The following ACAN variants were observed in gnomAD, a reference collection of about 807,000 sequenced individuals.
ACAN encodes the protein aggrecan.
In ACAN, 47 loss-of-function variants were observed where a neutral mutation model predicts 169.1. That is an observed-to-expected ratio of 0.28 (90% CI 0.22 to 0.35). The LOEUF is 0.35. ACAN is among the 10% of genes least tolerant of loss of function. The pLI is 1.00. For synonymous variants in ACAN, 1,115 were observed against 1,112.2 expected (o/e 1.00, Z -0.05); for missense variants, 2,716 against 2,759.9 (o/e 0.98, Z 0.36).
chr15:88,812,218 G>A (rs1313372649), intron 1 of ACAN, among the ~76,000 whole-genome samples: 1 of 152,138 alleles, frequency 6.6e-6, no homozygotes, highest in African/African-American at 2.4e-5. Context: ...GGACTCCCGG[G>A]TTTGCACACA....
At position 88,857,503 on chromosome 15, in the gene ACAN, A is replaced by G; in HGVS notation, c.4918A>G (p.Ser1640Gly). The G allele has an allele frequency of 2.5e-6, 4 of 1,613,902 alleles. No individual in the cohort carries two copies. The highest frequency in any genetic ancestry group is 3.4e-6 in the Non-Finnish European group (4 of 1,179,878). Residue 1640 changes from serine to glycine, a missense_variant, in exon 12 of 19, where the codon AGT becomes GGT. Physicochemically the swap from Ser to Gly is moderately conservative, Grantham distance 56. Coordinates refer to ENST00000560601, the MANE Select transcript of ACAN (RefSeq NM_001369268.1). ...SGEYSGVDLG[S>G]GPPSGLPDFS... ...TGAGTATTCTGGGGTGGACCTTGGA[A>G]GTGGCCCACCCTCTGGCCTGCCTGA...
chr15:88,817,164 CAG>C (rs202157546), intron 1 of ACAN, among the ~76,000 whole-genome samples: 2,443 of 152,212 alleles, frequency 0.016, 64 homozygotes, highest in African/African-American at 0.055. Context: ...GTCTTTGAGA[CAG>C]AGCCTTGATT....
intron 4 of ACAN, among the ~76,000 whole-genome samples, chr15:88,840,907 G>A (rs370463017): frequency 6.4e-4 from 97 of 152,308 alleles, no homozygotes; most frequent in Middle Eastern, 3.4e-3. Context: ...CACTTTGGGA[G>A]GCCAAGGCGG....
rs538535220 is a variant in ACAN, at chr15:88,846,587, G to A, written c.1430-656G>A. 8.8e-4 allele frequency among the ~76,000 whole-genome samples: 134 copies of A among 152,264 alleles called. 4 individuals carry two copies. The South Asian group carries it at 0.024, about 27-fold the overall frequency. Reference sequence around the variant, plus strand: ...CTTTCATGTCTGGATTCAACCAACCGTAGATGGAAAATATTCCAAAAGAAA... The same window carrying A: ...CTTTCATGTCTGGATTCAACCAACCATAGATGGAAAATATTCCAAAAGAAA... On this transcript the variant is annotated intron_variant, in intron 7 of 18. Transcript: ENST00000560601.
rs143358953 is a variant in ACAN, at chr15:88,861,507, C to T, written c.6946+1068C>T. Among the ~76,000 whole-genome samples the T allele has an allele frequency of 1.2e-3, 182 of 152,090 alleles. No individual in the cohort carries two copies. In the East Asian group the frequency reaches 0.019, roughly 16 times the overall value. ...TATATATTATTATATATCATATAAA[C>T]ATGCTGTATACATGGTACATATGCA... On this transcript the variant is annotated intron_variant, in intron 13 of 18. Transcript: ENST00000560601. This position sits in a 1 kb window ranked among gnomAD's most constrained non-coding sequence, Gnocchi z 6.3.
At position 88,847,364 on chromosome 15, in the gene ACAN, C is replaced by T. The variant is rs765556817; in HGVS notation, c.1551C>T (p.Tyr517=). ...IASPEQLQAA[Y]EAGYEQCDAG... ...CGCCGGAGCAGCTCCAGGCCGCCTA[C>T]GAAGCAGGCTATGAGCAGTGTGACG... The change falls in exon 8 of 19, where the codon TAC becomes TAT. Residue 517 remains tyrosine, a synonymous_variant. Coordinates refer to ENST00000560601, the MANE Select transcript of ACAN (RefSeq NM_001369268.1). 2.4e-5 allele frequency: 38 copies of T among 1,592,552 alleles called. No homozygotes were observed. The highest frequency in any genetic ancestry group is 3.0e-5 in the Non-Finnish European group (35 of 1,170,468).
At position 88,857,512 on chromosome 15, in the gene ACAN, C is replaced by T. The variant is rs1468454210; in HGVS notation, c.4927C>T (p.Pro1643Ser). ...YSGVDLGSGPPSGLPDFSGLP... is the reference protein window; with the variant it reads ...YSGVDLGSGPSSGLPDFSGLP... ...TGGGGTGGACCTTGGAAGTGGCCCA[C>T]CCTCTGGCCTGCCTGACTTTAGTGG... The change falls in exon 12 of 19, where the codon CCC becomes TCC. Residue 1643 changes from proline (P) to serine (S), a missense_variant. Physicochemically the swap from Pro to Ser is moderately conservative, Grantham distance 74 (BLOSUM62 -1). Around this residue, in one of 3 missense-constraint regions of ACAN, gnomAD observed 1,389 missense variants for 1,363.7 expected, o/e 1.02. Coordinates refer to ENST00000560601, the MANE Select transcript of ACAN (RefSeq NM_001369268.1). 6.2e-7 allele frequency: 1 copy of T among 1,613,928 alleles called. No individual in the cohort carries two copies. The highest frequency in any genetic ancestry group is 8.5e-7 in the Non-Finnish European group (1 of 1,179,892).
At position 88,858,404 on chromosome 15, in the gene ACAN, C is replaced by A. The variant is rs1224415651; in HGVS notation, c.5819C>A (p.Thr1940Asn). 6.2e-7 allele frequency: 1 copy of A among 1,613,644 alleles called. No homozygotes were observed. The highest frequency in any genetic ancestry group is 8.5e-7 in the Non-Finnish European group (1 of 1,179,896). ...SFPTVSLVDR[T>N]LVESVTQAPT... The stretch of plus-strand genomic sequence containing the variant: ...CCCACTGTCTCTCTTGTAGACAGAA[C>A]TTTGGTGGAATCTGTAACCCAGGCT... Residue 1940 changes from threonine to asparagine, a missense_variant, in exon 12 of 19, where the codon ACT (threonine) becomes AAT (asparagine). By Grantham distance (65) the Thr-to-Asn change is moderately conservative (BLOSUM62 0). Coordinates refer to ENST00000560601, the MANE Select transcript of ACAN (RefSeq NM_001369268.1). The surrounding 1 kb of genome is among the most constrained non-coding windows in gnomAD (Gnocchi z 4.0).
intron 7 of ACAN, among the ~76,000 whole-genome samples, chr15:88,846,647 T>C (rs990577853): frequency 6.6e-6 from 1 of 152,158 alleles, no homozygotes; most frequent in Non-Finnish European, 1.5e-5. Flanking sequence ...ATAAAAGTAA[T>C]ACAGATTTAA....
chr15:88,838,712 G>A lies in ACAN; in HGVS notation c.120G>A (p.Arg40=), dbSNP rs374081272. 3 of 1,608,840 alleles carry A rather than the reference G, an allele frequency of 1.9e-6. No individual in the cohort carries two copies. The highest frequency in any genetic ancestry group is 2.5e-6 in the Non-Finnish European group (3 of 1,176,494). Residue 40 remains arginine, a synonymous_variant, in exon 3 of 19, where the codon AGG becomes AGA. Coordinates refer to ENST00000560601, the MANE Select transcript of ACAN (RefSeq NM_001369268.1). This position sits in a 1 kb window ranked among gnomAD's most constrained non-coding sequence, Gnocchi z 5.1. ...SVSIPQPSPL[R]VLLGTSLTIP... ...GCATCCCCCAACCGTCCCCGCTGAG[G>A]GTCCTCCTGGGGACCTCCCTCACCA...
intron 1 of ACAN, among the ~76,000 whole-genome samples, chr15:88,833,411 C>A (rs575395002): frequency 1.3e-5 from 2 of 152,260 alleles, no homozygotes; most frequent in South Asian, 4.1e-4. Context: ...CTCCCCGTCC[C>A]CTTCCTCTGC....
Position 88,857,244 on chromosome 15 carries a change from A to C in ACAN, c.4659A>C (p.Glu1553Asp), listed in dbSNP as rs1159622069. ...TCAGTGGACTTCCTTCTGGAGGAGAAGGTCTAGAGACCTCTGCTTCTGAAG... is the reference window on the plus strand; with the variant it reads ...TCAGTGGACTTCCTTCTGGAGGAGACGGTCTAGAGACCTCTGCTTCTGAAG... ...GDLSGLPSGG[E>D]GLETSASEVG... Residue 1553 changes from glutamate (E) to aspartate (D), a missense_variant, in exon 12 of 19, where the codon GAA becomes GAC. Physicochemically the swap from Glu to Asp is conservative, Grantham distance 45. Around this residue, in one of 3 missense-constraint regions of ACAN, gnomAD observed 1,389 missense variants for 1,363.7 expected, o/e 1.02. Coordinates refer to ENST00000560601, the MANE Select transcript of ACAN (RefSeq NM_001369268.1). The C allele has an allele frequency of 1.2e-6, 2 of 1,613,766 alleles. No homozygotes were observed. Among genetic ancestry groups the C allele is most frequent in the Non-Finnish European group, 1.7e-6 (2 of 1,179,890 alleles).
intron 1 of ACAN, among the ~76,000 whole-genome samples, chr15:88,828,437 C>T (rs561325942): frequency 1.3e-5 from 2 of 151,970 alleles, no homozygotes; most frequent in South Asian, 4.2e-4. Flanking sequence ...TTTTGCTCCC[C>T]AGAGAGCCTC....
At position 88,868,302 on chromosome 15, in the gene ACAN, A is replaced by G. The variant is rs1416471358; in HGVS notation, c.7033A>G (p.Ser2345Gly). ...CTCTTTCACATGCTTATGCCTTCCC[A>G]GCTACGAAGGGGACCTGTGTGAGAT... ...IDSFTCLCLP[S>G]YEGDLCEIDQ... Residue 2345 changes from serine to glycine, a missense_variant, in exon 14 of 19, where the codon AGC becomes GGC. Ser to Gly is a moderately conservative substitution (Grantham distance 56, BLOSUM62 0). Coordinates refer to ENST00000560601, the MANE Select transcript of ACAN (RefSeq NM_001369268.1). The surrounding 1 kb of genome is among the most constrained non-coding windows in gnomAD (Gnocchi z 5.2). 2 of 702,684 alleles carry G rather than the reference A, an allele frequency of 2.8e-6. No individual in the cohort carries two copies. Among genetic ancestry groups the G allele is most frequent in the Non-Finnish European group, 5.2e-6 (2 of 384,832 alleles). 43.5% of individuals were successfully genotyped at this position (702,684 alleles called of 1,614,324 possible).
chr15:88,847,224 C>T lies in ACAN; in HGVS notation c.1430-19C>T. The T allele has an allele frequency of 6.5e-7, 1 of 1,531,978 alleles. No homozygotes were observed. Among genetic ancestry groups the T allele is most frequent in the Non-Finnish European group, 8.8e-7 (1 of 1,133,904 alleles). 94.9% of individuals were successfully genotyped at this position (1,531,978 alleles called of 1,614,324 possible). On this transcript the variant is annotated intron_variant, in intron 7 of 18. Coordinates refer to ENST00000560601, the MANE Select transcript of ACAN (RefSeq NM_001369268.1). ...CACCGTGGGTCCCTGAACCTGACCG[C>T]TCCCTCCTCCCCACCCAGGGGTCGT...
In ACAN at chr15:88,875,240, C is replaced by A. The variant is rs557224987; in HGVS notation, c.*759C>A. On this transcript the variant is annotated 3_prime_UTR_variant, in exon 19 of 19. Coordinates refer to ENST00000560601, the MANE Select transcript of ACAN (RefSeq NM_001369268.1). The surrounding 1 kb of genome is among the most constrained non-coding windows in gnomAD (Gnocchi z 4.8). Reference sequence around the variant, plus strand: ...TGGGGGGTGCCGCCCAACCTTCTCCCCTCCCCACCCCCGCCCCCGGGACCG... The same window carrying A: ...TGGGGGGTGCCGCCCAACCTTCTCCACTCCCCACCCCCGCCCCCGGGACCG... 1 of 152,342 alleles carries A rather than the reference C, an allele frequency of 6.6e-6. No individual in the cohort carries two copies. The highest frequency in any genetic ancestry group is 1.5e-5 in the Non-Finnish European group (1 of 68,250). The allele number at this position is 152,342 out of a possible 1,614,324, so 9.4% of individuals were successfully genotyped here. A position where few individuals can be genotyped will look rare whatever the true frequency, so the allele number is the denominator to read the frequency against.
In ACAN at chr15:88,836,185, C is replaced by T; in HGVS notation, c.-7-15C>T. 2 of 1,605,114 alleles carry T rather than the reference C, an allele frequency of 1.2e-6. No homozygotes were observed. Among genetic ancestry groups the T allele is most frequent in the South Asian group, 1.1e-5 (1 of 90,558 alleles). ...CTTCACTGTCTAAATAACGCCTCTG[C>T]CTCCCCTCTTCCAGGTGAACTATGA... On this transcript the variant is annotated splice_polypyrimidine_tract_variant and intron_variant, in intron 1 of 18. Transcript: ENST00000560601.
chr15:88,849,623 A>C lies in ACAN; in HGVS notation c.1918A>C (p.Arg640=). 2.5e-6 allele frequency: 4 copies of C among 1,612,516 alleles called. No homozygotes were observed. Among genetic ancestry groups the C allele is most frequent in the Non-Finnish European group, 3.4e-6 (4 of 1,179,520 alleles). The change falls in exon 10 of 19, where the codon AGG becomes CGG. Residue 640 remains arginine, a synonymous_variant. Transcript: ENST00000560601. The surrounding 1 kb of genome is among the most constrained non-coding windows in gnomAD (Gnocchi z 5.1). Reference sequence around the variant, plus strand: ...CCTCCGCTACCCCATCGTCACCCCAAGGCCTGCCTGCGGTGGGGACAAGCC... The same window carrying C: ...CCTCCGCTACCCCATCGTCACCCCACGGCCTGCCTGCGGTGGGGACAAGCC... ...GSLRYPIVTP[R]PACGGDKPGV... is the part of the protein sequence containing the mutation.
intron 1 of ACAN, among the ~76,000 whole-genome samples, chr15:88,810,051 C>T (rs6496525): frequency 0.95 from 144,908 of 152,182 alleles, 69,051 homozygotes; most frequent in East Asian, 1. Context: ...GAAAGGGATT[C>T]ATGGGTCACC....
Sources: allele counts gnomAD v4.1 joint callset (sites outside exome capture counted in the v4.1 genomes callset), GRCh38; gene constraint gnomAD v4.1.1; regional missense constraint gnomAD v4.1.1; non-coding constraint Gnocchi (gnomAD v3.1); transcripts MANE v1.5; gene names NCBI Gene and HGNC (gene_info 2026-07-23, HGNC 2026-07-21).